The following C1orf87 variants were observed in gnomAD, a reference collection of about 807,000 sequenced individuals.
C1orf87 encodes chromosome 1 open reading frame 87.
A neutral mutation model predicts 60.5 loss-of-function variants in C1orf87; 58 were observed. That is an observed-to-expected ratio of 0.96 (90% confidence interval 0.78 to 1.19). The LOEUF is 1.19. Ranked by LOEUF, C1orf87 falls within the 50% of genes most tolerant of loss-of-function variation. C1orf87 has a pLI of 0.00. For missense variants in C1orf87, 673 were observed against 638.6 expected, an observed-to-expected ratio of 1.05 and a Z score of -0.58; for synonymous variants, 236 against 227.4, an observed-to-expected ratio of 1.04 and a Z score of -0.34.
chr1:60,034,121 C>T (rs1645258611), intron 6 of C1orf87, among the ~76,000 whole-genome samples: 1 of 152,168 alleles, frequency 6.6e-6, no homozygotes, highest in Non-Finnish European at 1.5e-5. Context: ...GGAGGAAATC[C>T]TGAACCAGCT....
chr1:60,003,756 A>G (rs1199774421), intron 9 of C1orf87, among the ~76,000 whole-genome samples: 1 of 152,102 alleles, frequency 6.6e-6, no homozygotes, highest in Non-Finnish European at 1.5e-5. Context: ...AATACATGTT[A>G]AATAAATGAC....
At chr1:60,034,575 G>T (rs77405459) in intron 6 of C1orf87, among the ~76,000 whole-genome samples, 4 of 152,150 alleles carry the variant, frequency 2.6e-5, no homozygotes, top group Non-Finnish European at 1.5e-5. Context: ...CTGCATTACT[G>T]ATTTCCCTGG....
At chr1:60,019,912 C>T (rs1274814036) in intron 8 of C1orf87, among the ~76,000 whole-genome samples, 1 of 152,028 alleles carries the variant, frequency 6.6e-6, no homozygotes, top group Non-Finnish European at 1.5e-5. Context: ...AAGAGATGGT[C>T]TAAAATTGCA....
At chr1:60,055,109 A>T in intron 3 of C1orf87, 95 bp downstream of exon 3, 1 of 1,090,590 alleles carries the variant, frequency 9.2e-7, no homozygotes, top group Non-Finnish European at 1.4e-6. Flanking sequence ...ATATTAATGA[A>T]CATTTGTACA....
intron 3 of C1orf87, among the ~76,000 whole-genome samples, chr1:60,051,753 G>T (rs1645416180): frequency 6.6e-6 from 1 of 152,156 alleles, no homozygotes; most frequent in Non-Finnish European, 1.5e-5. Context: ...GAGACAAAAT[G>T]GTGGTCTGAT....
chr1:60,037,531 C>A (rs765797980), intron 6 of C1orf87, among the ~76,000 whole-genome samples: 12 of 152,098 alleles, frequency 7.9e-5, no homozygotes, highest in Admixed American at 3.3e-4. Flanking sequence ...GAGATAAACC[C>A]GCTTTTTACA....
In C1orf87 at chr1:60,055,279, T is replaced by A. The variant is rs752863854; in HGVS notation, c.267A>T (p.Pro89=). The A allele has an allele frequency of 6.2e-7, 1 of 1,614,206 alleles. No homozygotes were observed. The highest frequency in any genetic ancestry group is 8.5e-7 in the Non-Finnish European group (1 of 1,180,018). The stretch of plus-strand genomic sequence containing the variant: ...TGTTTTCTGATTTCTGGTTGTTCTC[T>A]GGGTGCTTTTTCTCTTTCACATCAT... ...NPDDVKEKKH[P]ENNQKSENNQ... is the part of the protein sequence containing the mutation. The change falls in exon 3 of 12, where the codon CCA becomes CCT. Residue 89 remains proline (P), a synonymous_variant. Coordinates refer to ENST00000371201, the MANE Select transcript of C1orf87 (RefSeq NM_152377.3).
At chr1:60,073,362 G>C (rs1054919487) in intron 1 of C1orf87, among the ~76,000 whole-genome samples, 1 of 152,152 alleles carries the variant, frequency 6.6e-6, no homozygotes, top group Non-Finnish European at 1.5e-5. Flanking sequence ...AGGCTGAAAG[G>C]CCTTTAGAAA....
chr1:60,053,529 C>A lies in C1orf87; in HGVS notation c.342+1675G>T, dbSNP rs1645429281. ...AGTTCTGAGTACAACTCTCACAGAACCATTAAAGATGATGCGTAGGATGAT... is the reference window on the plus strand; with the variant it reads ...AGTTCTGAGTACAACTCTCACAGAAACATTAAAGATGATGCGTAGGATGAT... On this transcript the variant is annotated intron_variant, in intron 3 of 11. Coordinates refer to ENST00000371201, the MANE Select transcript of C1orf87 (RefSeq NM_152377.3). 2.6e-5 allele frequency among the ~76,000 whole-genome samples: 4 copies of A among 151,960 alleles called. No individual in the cohort carries two copies. The South Asian group carries it at 8.3e-4, about 32-fold the overall frequency.
chr1:60,052,306 G>A (rs995236022), intron 3 of C1orf87, among the ~76,000 whole-genome samples: 1 of 151,962 alleles, frequency 6.6e-6, no homozygotes, highest in Non-Finnish European at 1.5e-5. Flanking sequence ...AGGCAGAGCT[G>A]ATAATTCTGA....
intron 6 of C1orf87, among the ~76,000 whole-genome samples, 166 bp downstream of exon 6, chr1:60,037,826 C>T (rs552175158): frequency 3.3e-5 from 5 of 152,364 alleles, no homozygotes; most frequent in African/African-American, 1.2e-4. Flanking sequence ...TCCCAGAACT[C>T]AACCATGCTG....
At chr1:60,038,188 G>T in intron 5 of C1orf87, 81 bp from the exon 6 acceptor site, 1 of 770,724 alleles carries the variant, frequency 1.3e-6, no homozygotes, top group Non-Finnish European at 1.9e-6. Context: ...AATGTATTTG[G>T]CAAATTTTTA....
At position 60,046,803 on chromosome 1, in the gene C1orf87, T is replaced by C. The variant is rs374831567; in HGVS notation, c.343-5672A>G. Among the ~76,000 whole-genome samples the C allele has an allele frequency of 3.9e-5, 6 of 152,206 alleles. No homozygotes were observed. In the East Asian group the frequency reaches 7.7e-4, roughly 20 times the overall value. On this transcript the variant is annotated intron_variant, in intron 3 of 11. Coordinates refer to ENST00000371201, the MANE Select transcript of C1orf87 (RefSeq NM_152377.3). ...CTTTCATCATTATTTTTTCTTGCAA[T>C]TGTTGAAGAAGCTGTGTTGTCTGAA...
intron 11 of C1orf87, among the ~76,000 whole-genome samples, chr1:59,993,518 A>G (rs965312330): frequency 1.1e-4 from 17 of 152,030 alleles, no homozygotes; most frequent in African/African-American, 4.1e-4. Flanking sequence ...ATTAAAAGTT[A>G]TGTTAAAAAA....
chr1:60,010,524 T>C, intron 8 of C1orf87, 68 bp from the exon 9 acceptor site: 1 of 1,332,008 alleles, frequency 7.5e-7, no homozygotes, highest in Non-Finnish European at 1.1e-6. Context: ...CCAGTGAAGC[T>C]CTGTTTATAT....
At chr1:60,022,008 T>G (rs1298960097) in intron 8 of C1orf87, among the ~76,000 whole-genome samples, 2 of 152,004 alleles carry the variant, frequency 1.3e-5, no homozygotes, top group African/African-American at 4.8e-5. Context: ...CATGGTGTGT[T>G]TGAGGAAGAA....
intron 2 of C1orf87, among the ~76,000 whole-genome samples, chr1:60,068,961 T>A (rs1482040917): frequency 6.6e-6 from 1 of 152,206 alleles, no homozygotes; most frequent in African/African-American, 2.4e-5. Flanking sequence ...CTAAGTATTA[T>A]CTTTCTAGAT....
chr1:59,995,455 A>AT (rs750984805), intron 11 of C1orf87, among the ~76,000 whole-genome samples: 9 of 152,160 alleles, frequency 5.9e-5, no homozygotes, highest in Non-Finnish European at 1.2e-4. Flanking sequence ...CTTAGGGTTC[A>AT]TAATAGGTTC....
At chr1:60,052,673 C>G (rs372070146) in intron 3 of C1orf87, among the ~76,000 whole-genome samples, 19 of 152,204 alleles carry the variant, frequency 1.2e-4, no homozygotes, top group Non-Finnish European at 2.4e-4. Context: ...AGCAACTTCT[C>G]TTTTGGAGCA....
Sources: gnomAD v4.1 joint callset for allele counts (sites outside exome capture counted in the v4.1 genomes callset) on GRCh38, gnomAD v4.1.1 for gene constraint, MANE v1.5 for transcripts, NCBI Gene and HGNC (gene_info 2026-07-23, HGNC 2026-07-21) for gene names.